HIVEP3: variants seen among roughly 807,000 people sequenced by gnomAD.
The protein encoded by HIVEP3 is transcription factor HIVEP3.
HIVEP3 carries 49 observed loss-of-function variants against 152.8 expected under a neutral mutation model. The observed-to-expected ratio is 0.32, with a 90% CI of 0.26 to 0.41. The LOEUF (loss-of-function observed/expected upper bound fraction) is 0.41. Among genes scored for constraint, HIVEP3 ranks in the 10% least tolerant of loss-of-function variants. The pLI is 1.00. For missense variants in HIVEP3, 2,790 were observed against 3,103.3 expected, an observed-to-expected ratio of 0.90 and a Z score of 2.40; for synonymous variants, 1,269 against 1,289.0, an observed-to-expected ratio of 0.98 and a Z score of 0.33.
chr1:41,894,102 G>A (rs1371104945), intron 1 of HIVEP3, among the ~76,000 whole-genome samples: 2 of 151,832 alleles, frequency 1.3e-5, no homozygotes, highest in East Asian at 1.9e-4. Flanking sequence ...TTACAGGCAT[G>A]AGCCACCATG....
chr1:41,905,758 G>A (rs1644699126), intron 1 of HIVEP3, among the ~76,000 whole-genome samples: 1 of 152,196 alleles, frequency 6.6e-6, no homozygotes, highest in Non-Finnish European at 1.5e-5. Flanking sequence ...CAGTCTAAGT[G>A]ACTGCTAGGG....
intron 3 of HIVEP3, among the ~76,000 whole-genome samples, chr1:41,624,226 A>T (rs1645085507): frequency 6.6e-6 from 1 of 152,158 alleles, no homozygotes; most frequent in Non-Finnish European, 1.5e-5. Flanking sequence ...ATCCTCCAGT[A>T]CAAAAATGAG....
intron 5 of HIVEP3, among the ~76,000 whole-genome samples, chr1:41,559,355 T>C (rs2149087232): frequency 6.6e-6 from 1 of 152,302 alleles, no homozygotes. Context: ...TCCTGAACCA[T>C]CTGAGAGCAA....
chr1:42,010,463 A>G (rs1359497873), intron 1 of HIVEP3, among the ~76,000 whole-genome samples: 2 of 151,854 alleles, frequency 1.3e-5, no homozygotes, highest in African/African-American at 4.8e-5. Flanking sequence ...GTGAGGGCTG[A>G]CTCTAGCCTT....
intron 1 of HIVEP3, among the ~76,000 whole-genome samples, chr1:41,784,130 G>C (rs1017098112): frequency 6.6e-6 from 1 of 152,194 alleles, no homozygotes; most frequent in Non-Finnish European, 1.5e-5. Flanking sequence ...GGGAGAGCAG[G>C]GTTCCTGGGG....
chr1:41,936,167 T>C (rs974376413), intron 1 of HIVEP3, among the ~76,000 whole-genome samples: 10 of 152,104 alleles, frequency 6.6e-5, no homozygotes, highest in African/African-American at 2.2e-4. Context: ...AGATGGAGGG[T>C]CACCTGCCAG....
At chr1:41,736,240 G>A (rs188487753) in intron 1 of HIVEP3, among the ~76,000 whole-genome samples, 8 of 152,280 alleles carry the variant, frequency 5.3e-5, no homozygotes, top group Admixed American at 1.3e-4. Flanking sequence ...TCGTTCTGGG[G>A]GAAACCTGAA....
chr1:41,861,998 G>T (rs1405019349), intron 1 of HIVEP3, among the ~76,000 whole-genome samples: 3 of 152,114 alleles, frequency 2.0e-5, no homozygotes, highest in South Asian at 2.1e-4. Context: ...TGGCCGGGGG[G>T]CGGATGAAGG....
At chr1:41,683,046 A>G (rs950386103) in intron 2 of HIVEP3, among the ~76,000 whole-genome samples, 7 of 152,232 alleles carry the variant, frequency 4.6e-5, no homozygotes, top group African/African-American at 1.7e-4. Context: ...GATGAGAGGA[A>G]GTGGGTGGTT....
chr1:41,635,593 C>T (rs868611616), intron 2 of HIVEP3, among the ~76,000 whole-genome samples: 3 of 14,802 alleles, frequency 2.0e-4, no homozygotes, highest in African/African-American at 1.5e-3. Flanking sequence ...CATACATATA[C>T]ATACGTATGT....
chr1:41,760,209 G>A (rs1368801479), intron 1 of HIVEP3, among the ~76,000 whole-genome samples: 1 of 152,130 alleles, frequency 6.6e-6, no homozygotes, highest in Admixed American at 6.5e-5. Context: ...ATGAATAAGA[G>A]TACCTGCCTC....
chr1:41,710,093 AGAGT>A, intron 1 of HIVEP3, among the ~76,000 whole-genome samples: 1 of 152,294 alleles, frequency 6.6e-6, no homozygotes, highest in South Asian at 2.1e-4. Flanking sequence ...AGTTCAAGGC[AGAGT>A]GTTGGTCCAG....
At chr1:42,025,256 A>G (rs890309094) in intron 1 of HIVEP3, among the ~76,000 whole-genome samples, 12 of 152,222 alleles carry the variant, frequency 7.9e-5, no homozygotes, top group African/African-American at 2.4e-4. Context: ...CTCATCATTC[A>G]GTTATTCACT....
At chr1:41,774,669 A>T (rs1383877468) in intron 1 of HIVEP3, among the ~76,000 whole-genome samples, 1 of 152,234 alleles carries the variant, frequency 6.6e-6, no homozygotes, top group Non-Finnish European at 1.5e-5. Context: ...AATTCACAGG[A>T]TGATTAAATA....
At chr1:41,962,877 A>C (rs1645176283) in intron 1 of HIVEP3, among the ~76,000 whole-genome samples, 1 of 152,234 alleles carries the variant, frequency 6.6e-6, no homozygotes, top group South Asian at 2.1e-4. Context: ...ATTTTGAACC[A>C]GATAATTTTT....
At chr1:42,033,184 G>T (rs543739360) in intron 1 of HIVEP3, among the ~76,000 whole-genome samples, 19 of 152,250 alleles carry the variant, frequency 1.2e-4, no homozygotes, top group African/African-American at 4.6e-4. Flanking sequence ...TCTTTGGTCT[G>T]CCATGCAGGT....
At chr1:41,673,978 A>T (rs1645915966) in intron 2 of HIVEP3, among the ~76,000 whole-genome samples, 2 of 152,182 alleles carry the variant, frequency 1.3e-5, no homozygotes. Flanking sequence ...AAACAGGCAC[A>T]GAGAGCTTTG....
chr1:41,906,582 C>T (rs115222789), intron 1 of HIVEP3, among the ~76,000 whole-genome samples: 1,692 of 152,080 alleles, frequency 0.011, 25 homozygotes, highest in African/African-American at 0.039. Context: ...TACGGGATGA[C>T]GGGAATGTTC....
chr1:41,711,058 C>T (rs34343695), intron 1 of HIVEP3, among the ~76,000 whole-genome samples: 2,357 of 152,324 alleles, frequency 0.015, 28 homozygotes, highest in Middle Eastern at 0.034. Context: ...CTGGACTCTC[C>T]GCTCTGCTGC....
Sources: allele counts gnomAD v4.1 joint callset (sites outside exome capture counted in the v4.1 genomes callset), GRCh38; gene constraint gnomAD v4.1.1; transcripts MANE v1.5; gene names NCBI Gene and HGNC (gene_info 2026-07-23, HGNC 2026-07-21).